The following TCF7L1 variants were observed in gnomAD, a reference collection of about 807,000 sequenced individuals.
TCF7L1 encodes transcription factor 7 like 1, also known as transcription factor 7-like 1.
A neutral mutation model predicts 63.7 loss-of-function variants in TCF7L1; 18 were observed. The observed-to-expected ratio is 0.28, with a 90% CI of 0.20 to 0.42. The LOEUF (loss-of-function observed/expected upper bound fraction) is 0.42, where lower values mean the gene tolerates loss of function less well. Ranked by LOEUF, TCF7L1 falls within the 10% of genes least tolerant of loss-of-function variation. The probability of loss-of-function intolerance (pLI) is 1.00; values close to 1 mark genes in which losing one functional copy is unlikely to be tolerated. For missense variants in TCF7L1, 654 were observed against 779.3 expected (o/e 0.84, Z 1.91); for synonymous variants, 355 against 340.9 (o/e 1.04, Z -0.46).
intron 3 of TCF7L1, among the ~76,000 whole-genome samples, chr2:85,227,514 A>G (rs1171430693): frequency 5.3e-5 from 8 of 151,966 alleles, no homozygotes; most frequent in Non-Finnish European, 7.4e-5. Flanking sequence ...GAATATTTTA[A>G]TAATAACAAA....
chr2:85,258,892 C>T (rs770815341), intron 3 of TCF7L1, among the ~76,000 whole-genome samples: 1 of 152,170 alleles, frequency 6.6e-6, no homozygotes, highest in African/African-American at 2.4e-5. Flanking sequence ...AGTTCAAAAC[C>T]CTTGCTTATT....
intron 3 of TCF7L1, among the ~76,000 whole-genome samples, chr2:85,251,941 G>A (rs903675340): frequency 6.6e-6 from 1 of 152,172 alleles, no homozygotes; most frequent in Non-Finnish European, 1.5e-5. Flanking sequence ...CAGGCGTGGT[G>A]GCACGTACCT....
intron 3 of TCF7L1, among the ~76,000 whole-genome samples, chr2:85,192,274 T>C (rs987512388): frequency 1.3e-5 from 2 of 152,228 alleles, no homozygotes; most frequent in Non-Finnish European, 2.9e-5. Flanking sequence ...AGCAAATCAG[T>C]CAGCTACCGC....
intron 3 of TCF7L1, among the ~76,000 whole-genome samples, chr2:85,274,207 C>A (rs1681219866): frequency 6.6e-6 from 1 of 152,214 alleles, no homozygotes; most frequent in African/African-American, 2.4e-5. Flanking sequence ...ACTGCCCAGG[C>A]CCAGCAAACC....
chr2:85,134,188 C>A lies in TCF7L1; in HGVS notation c.313+109C>A, dbSNP rs936056254. 3 of 1,506,726 alleles carry A rather than the reference C, an allele frequency of 2.0e-6. No individual in the cohort carries two copies. Among genetic ancestry groups the A allele is most frequent in the East Asian group, 2.5e-5 (1 of 40,296 alleles). 93.3% of individuals were successfully genotyped at this position (1,506,726 alleles called of 1,614,324 possible). A position where few individuals can be genotyped will look rare whatever the true frequency, so the allele number is the denominator to read the frequency against. ...CTTGGGTGGACGCACCCTTGCCCTC[C>A]GCCTTTATTGGCGGCAGCCCCCGTG... On this transcript the variant is annotated intron_variant, in intron 2 of 11. Coordinates refer to ENST00000282111, the MANE Select transcript of TCF7L1 (RefSeq NM_031283.3). This position sits in a 1 kb window ranked among gnomAD's most constrained non-coding sequence, Gnocchi z 5.0.
intron 3 of TCF7L1, among the ~76,000 whole-genome samples, chr2:85,147,726 A>G (rs1327514586): frequency 6.6e-6 from 1 of 152,116 alleles, no homozygotes; most frequent in Non-Finnish European, 1.5e-5. Context: ...TGTTAAATCT[A>G]TACACCATAT....
intron 3 of TCF7L1, among the ~76,000 whole-genome samples, chr2:85,139,368 AT>A (rs1558613325): frequency 6.6e-6 from 1 of 152,218 alleles, no homozygotes; most frequent in Non-Finnish European, 1.5e-5. Context: ...AGTCTATTGG[AT>A]ACCTATCATG....
intron 3 of TCF7L1, among the ~76,000 whole-genome samples, chr2:85,228,577 C>G (rs1403156069): frequency 6.6e-6 from 1 of 152,092 alleles, no homozygotes; most frequent in Non-Finnish European, 1.5e-5. Context: ...GGGCTCCCTG[C>G]AAAGTATGCC....
chr2:85,182,193 A>G (rs1678820357), intron 3 of TCF7L1, among the ~76,000 whole-genome samples: 2 of 152,152 alleles, frequency 1.3e-5, no homozygotes, highest in Non-Finnish European at 2.9e-5. Context: ...TGGGAGATGG[A>G]CATCCAAGCC....
Position 85,165,277 on chromosome 2 carries a change from T to C in TCF7L1, c.441+30827T>C, listed in dbSNP as rs1487933396. Among the ~76,000 whole-genome samples the C allele has an allele frequency of 6.6e-5, 10 of 152,388 alleles. No individual in the cohort carries two copies. In the South Asian group the frequency reaches 1.0e-3, roughly 16 times the overall value. ...TTTGGCTCCTTGAGGCTGCCGTGTG[T>C]GTGCACACATGTGCGCCTGTGTAGA... On this transcript the variant is annotated intron_variant, in intron 3 of 11. Coordinates refer to ENST00000282111, the MANE Select transcript of TCF7L1 (RefSeq NM_031283.3).
At chr2:85,258,144 A>T (rs1680765332) in intron 3 of TCF7L1, among the ~76,000 whole-genome samples, 1 of 152,206 alleles carries the variant, frequency 6.6e-6, no homozygotes. Flanking sequence ...CTGTATCATC[A>T]TAATCAAAAC....
intron 4 of TCF7L1, among the ~76,000 whole-genome samples, chr2:85,293,395 C>G (rs561866135): frequency 6.6e-6 from 1 of 152,276 alleles, no homozygotes; most frequent in African/African-American, 2.4e-5. Flanking sequence ...TGTCTTGTTC[C>G]TCCTCCACCA....
chr2:85,183,715 A>G (rs1678855044), intron 3 of TCF7L1, among the ~76,000 whole-genome samples: 2 of 152,174 alleles, frequency 1.3e-5, no homozygotes, highest in African/African-American at 4.8e-5. Flanking sequence ...GGCTGTTTGG[A>G]GAGGCAAAAG....
chr2:85,193,359 A>G (rs2568211), intron 3 of TCF7L1, among the ~76,000 whole-genome samples: 82,497 of 151,956 alleles, frequency 0.54, 23,213 homozygotes, highest in African/African-American at 0.68. Flanking sequence ...GATACTGATC[A>G]TGCATTTTTC....
rs1013705986 is a variant in TCF7L1, at chr2:85,204,103, A to G, written c.441+69653A>G. 3.3e-5 allele frequency among the ~76,000 whole-genome samples: 5 copies of G among 152,218 alleles called. No homozygotes were observed. The South Asian group carries it at 1.0e-3, about 32-fold the overall frequency. ...CTAATGGAGGTAAAAAAAATCAAAC[A>G]GTACAAGTAAAATGAAATTCTTCCT... On this transcript the variant is annotated intron_variant, in intron 3 of 11. Coordinates refer to ENST00000282111, the MANE Select transcript of TCF7L1 (RefSeq NM_031283.3).
At chr2:85,205,480 G>A (rs994515288) in intron 3 of TCF7L1, among the ~76,000 whole-genome samples, 80 of 151,768 alleles carry the variant, frequency 5.3e-4, no homozygotes, top group Admixed American at 2.0e-4. Context: ...CTACACTCCC[G>A]GCCTGTTCAT....
At chr2:85,283,271 C>CCCA (rs10674199) in intron 3 of TCF7L1, among the ~76,000 whole-genome samples, 12 of 150,112 alleles carry the variant, frequency 8.0e-5, no homozygotes, top group South Asian at 4.2e-4. Flanking sequence ...CGTGTCCCCC[C>CCCA]CCCCAAAATG....
intron 3 of TCF7L1, among the ~76,000 whole-genome samples, chr2:85,245,088 A>G (rs988324706): frequency 2.0e-5 from 3 of 152,208 alleles, no homozygotes; most frequent in Non-Finnish European, 4.4e-5. Flanking sequence ...CTAGCAGGAC[A>G]GATTCCAGAA....
At chr2:85,268,753 C>A (rs1681071685) in intron 3 of TCF7L1, among the ~76,000 whole-genome samples, 1 of 136,926 alleles carries the variant, frequency 7.3e-6, no homozygotes, top group Non-Finnish European at 1.6e-5. Context: ...GGATGCCTTT[C>A]TGAAGCGGCA....
Sources: gnomAD v4.1 joint callset for allele counts (sites outside exome capture counted in the v4.1 genomes callset) on GRCh38, gnomAD v4.1.1 for gene constraint, Gnocchi (gnomAD v3.1) non-coding constraint, MANE v1.5 for transcripts, NCBI Gene and HGNC (gene_info 2026-07-23, HGNC 2026-07-21) for gene names.